The following DYNC1I1 variants were observed in gnomAD, a reference collection of about 807,000 sequenced individuals.
DYNC1I1 encodes the protein cytoplasmic dynein 1 intermediate chain 1.
DYNC1I1 carries 43 observed loss-of-function variants against 86.6 expected under a neutral mutation model. That is an observed-to-expected ratio of 0.50 (90% CI 0.39 to 0.64). The LOEUF (loss-of-function observed/expected upper bound fraction) is 0.64, where lower values mean the gene tolerates loss of function less well. DYNC1I1 is among the 30% of genes least tolerant of loss of function. The probability of loss-of-function intolerance (pLI) is 0.00; values close to 1 mark genes in which losing one functional copy is unlikely to be tolerated. For missense variants in DYNC1I1, 604 were observed against 788.8 expected (o/e 0.77, Z 2.81); for synonymous variants, 262 against 283.7 (o/e 0.92, Z 0.77).
intron 16 of DYNC1I1, among the ~76,000 whole-genome samples, chr7:96,107,363 C>G (rs1791232302): frequency 6.6e-6 from 1 of 151,742 alleles, no homozygotes; most frequent in Admixed American, 6.6e-5. Flanking sequence ...AGGTCTGTTA[C>G]TAGAGACATA....
chr7:95,824,515 A>G (rs1025850446), intron 4 of DYNC1I1, among the ~76,000 whole-genome samples: 1 of 152,206 alleles, frequency 6.6e-6, no homozygotes, highest in Non-Finnish European at 1.5e-5. Context: ...GGTGATTTCT[A>G]TATCACCATC....
At chr7:95,941,704 T>C (rs1792227167) in intron 6 of DYNC1I1, among the ~76,000 whole-genome samples, 10 of 152,202 alleles carry the variant, frequency 6.6e-5, no homozygotes, top group Admixed American at 6.5e-4. Context: ...GTGCCATCTG[T>C]CACCCCTTTC....
intron 14 of DYNC1I1, among the ~76,000 whole-genome samples, chr7:96,063,641 TG>T (rs2116183124): frequency 6.6e-6 from 1 of 152,310 alleles, no homozygotes; most frequent in Non-Finnish European, 1.5e-5. Context: ...CCAGTCATAC[TG>T]GATTACAGCC....
chr7:95,830,605 T>C (rs985811999), intron 5 of DYNC1I1, among the ~76,000 whole-genome samples: 2 of 152,190 alleles, frequency 1.3e-5, no homozygotes, highest in African/African-American at 2.4e-5. Context: ...TCACTTTTTA[T>C]ATACATTGGG....
At chr7:95,787,426 G>A (rs1794177680) in intron 1 of DYNC1I1, among the ~76,000 whole-genome samples, 1 of 152,132 alleles carries the variant, frequency 6.6e-6, no homozygotes, top group Non-Finnish European at 1.5e-5. Context: ...GCAGAATCTA[G>A]GTGTGGCAAT....
intron 6 of DYNC1I1, among the ~76,000 whole-genome samples, chr7:95,911,077 C>G (rs565887745): frequency 1.3e-5 from 2 of 152,296 alleles, no homozygotes; most frequent in African/African-American, 4.8e-5. Context: ...AAGAGGCATT[C>G]TCACTCAAGT....
rs1444112027 is a variant in DYNC1I1, at chr7:95,986,992, G to A, written c.744-64G>A. ...TGTGCCAGGCTTTTGCCATATCAGT[G>A]CTTCTATATGAGCAGCATAGAGAAA... On this transcript the variant is annotated intron_variant, in intron 8 of 16. Transcript: ENST00000447467. The A allele has an allele frequency of 1.0e-5, 15 of 1,448,612 alleles. No individual in the cohort carries two copies. In the East Asian group the frequency reaches 3.2e-4, roughly 31 times the overall value. The allele number at this position is 1,448,612 out of a possible 1,614,324, so 89.7% of individuals were successfully genotyped here. A position where few individuals can be genotyped will look rare whatever the true frequency, so the allele number is the denominator to read the frequency against.
At chr7:95,906,194 A>G (rs1394353012) in intron 6 of DYNC1I1, among the ~76,000 whole-genome samples, 1 of 152,116 alleles carries the variant, frequency 6.6e-6, no homozygotes. Context: ...TTGTGGTGTA[A>G]TGAATATAGC....
At chr7:95,970,581 G>A (rs1380820041) in intron 6 of DYNC1I1, among the ~76,000 whole-genome samples, 2 of 151,892 alleles carry the variant, frequency 1.3e-5, no homozygotes, top group African/African-American at 4.9e-5. Flanking sequence ...TGGACTGAAT[G>A]TGATTAATAT....
intron 6 of DYNC1I1, among the ~76,000 whole-genome samples, chr7:95,938,665 A>G (rs951390041): frequency 1.3e-5 from 2 of 152,072 alleles, no homozygotes; most frequent in East Asian, 3.9e-4. Flanking sequence ...TGGAAATCTC[A>G]TAGGTCTGTT....
At chr7:95,905,477 G>A (rs1259153634) in intron 6 of DYNC1I1, among the ~76,000 whole-genome samples, 1 of 152,110 alleles carries the variant, frequency 6.6e-6, no homozygotes, top group African/African-American at 2.4e-5. Flanking sequence ...TTCTTAAAAA[G>A]GCCACTGTCA....
intron 4 of DYNC1I1, among the ~76,000 whole-genome samples, chr7:95,817,545 AT>A (rs1352056965): frequency 1.1e-4 from 16 of 152,194 alleles, no homozygotes; most frequent in African/African-American, 3.1e-4. Flanking sequence ...AATTATTATA[AT>A]TTTTTCATAT....
chr7:96,087,723 A>T (rs559687558), intron 16 of DYNC1I1, among the ~76,000 whole-genome samples: 1 of 152,338 alleles, frequency 6.6e-6, no homozygotes, highest in East Asian at 1.9e-4. Flanking sequence ...ATAAGAACAA[A>T]GCATCAAGCT....
intron 6 of DYNC1I1, among the ~76,000 whole-genome samples, chr7:95,967,814 G>C (rs577131827): frequency 6.6e-6 from 1 of 152,154 alleles, no homozygotes; most frequent in Non-Finnish European, 1.5e-5. Context: ...TCTGACTGAG[G>C]GGAAGCATGA....
At chr7:95,820,217 T>C (rs1346417828) in intron 4 of DYNC1I1, among the ~76,000 whole-genome samples, 1 of 152,178 alleles carries the variant, frequency 6.6e-6, no homozygotes, top group Non-Finnish European at 1.5e-5. Context: ...CATCAGAAAA[T>C]CTTTATCATC....
intron 10 of DYNC1I1, among the ~76,000 whole-genome samples, chr7:96,026,158 C>T (rs1460803315): frequency 3.3e-5 from 5 of 152,078 alleles, no homozygotes; most frequent in African/African-American, 7.2e-5. Flanking sequence ...TATTCTTGAA[C>T]TTTATGAAAA....
chr7:95,943,278 T>C (rs1445198290), intron 6 of DYNC1I1, among the ~76,000 whole-genome samples: 1 of 151,372 alleles, frequency 6.6e-6, no homozygotes, highest in African/African-American at 2.4e-5. Flanking sequence ...TCACAATTGC[T>C]TCAAAGAGAA....
intron 6 of DYNC1I1, among the ~76,000 whole-genome samples, chr7:95,928,809 T>A (rs186291555): frequency 2.6e-5 from 4 of 152,276 alleles, no homozygotes; most frequent in Admixed American, 2.6e-4. Flanking sequence ...ATAATAATAG[T>A]CTCCAGCTCC....
chr7:95,905,955 A>G (rs189779077), intron 6 of DYNC1I1, among the ~76,000 whole-genome samples: 1 of 152,150 alleles, frequency 6.6e-6, no homozygotes, highest in African/African-American at 2.4e-5. Context: ...TAGCTCTCCA[A>G]TTGGCTTGGA....
Sources: gnomAD v4.1 joint callset for allele counts (sites outside exome capture counted in the v4.1 genomes callset) on GRCh38, gnomAD v4.1.1 for gene constraint, MANE v1.5 for transcripts, NCBI Gene and HGNC (gene_info 2026-07-23, HGNC 2026-07-21) for gene names.